Variants in RSU1 observed in about 807,000 individuals in gnomAD.
The protein encoded by RSU1 is rsu-1.
Under a neutral mutation model 31.1 loss-of-function variants are expected in RSU1, and 26 were observed. The ratio of observed to expected loss-of-function variants is 0.84; its 90% CI spans 0.61 to 1.16. The LOEUF (loss-of-function observed/expected upper bound fraction) is 1.16. Among genes scored for constraint, RSU1 ranks in the 50% most tolerant of loss-of-function variants. RSU1 has a pLI of 0.00. For missense variants in RSU1, 320 were observed against 339.1 expected, an observed-to-expected ratio of 0.94 and a Z score of 0.44; for synonymous variants, 164 against 136.3, an observed-to-expected ratio of 1.20 and a Z score of -1.41.
intron 2 of RSU1, among the ~76,000 whole-genome samples, chr10:16,803,690 A>T (rs1838208096): frequency 6.6e-6 from 1 of 152,228 alleles, no homozygotes; most frequent in African/African-American, 2.4e-5. Context: ...AAATATAATC[A>T]GCTAATCTTT....
chr10:16,649,258 G>C (rs1834635063), intron 8 of RSU1, among the ~76,000 whole-genome samples: 1 of 152,184 alleles, frequency 6.6e-6, no homozygotes. Context: ...TATTCAGCAT[G>C]TATGAAAACG....
chr10:16,679,108 A>T (rs977151957), intron 8 of RSU1, among the ~76,000 whole-genome samples: 2 of 152,218 alleles, frequency 1.3e-5, no homozygotes, highest in Non-Finnish European at 2.9e-5. Flanking sequence ...AACACATTTT[A>T]ATGTTTCCAG....
At chr10:16,799,188 G>A (rs552404485) in intron 2 of RSU1, among the ~76,000 whole-genome samples, 1 of 152,224 alleles carries the variant, frequency 6.6e-6, no homozygotes, top group Admixed American at 6.5e-5. Flanking sequence ...GCAGGGAGCC[G>A]TATTTCCAAA....
At chr10:16,745,062 T>A (rs538553695) in intron 7 of RSU1, among the ~76,000 whole-genome samples, 3 of 152,212 alleles carry the variant, frequency 2.0e-5, no homozygotes, top group Non-Finnish European at 4.4e-5. Flanking sequence ...GGTAACTAAC[T>A]GCCTCTTCCC....
chr10:16,764,013 A>G (rs1326634140), intron 4 of RSU1, among the ~76,000 whole-genome samples: 1 of 152,148 alleles, frequency 6.6e-6, no homozygotes, highest in Non-Finnish European at 1.5e-5. Context: ...GGTGCTTTGT[A>G]AACTATTCCA....
intron 8 of RSU1, among the ~76,000 whole-genome samples, chr10:16,607,361 A>G (rs1434126953): frequency 1.3e-5 from 2 of 152,184 alleles, no homozygotes; most frequent in Non-Finnish European, 2.9e-5. Context: ...TAGCAGTGTG[A>G]GAATGGACTA....
chr10:16,669,169 G>C (rs1835057098), intron 8 of RSU1, among the ~76,000 whole-genome samples: 1 of 151,946 alleles, frequency 6.6e-6, no homozygotes, highest in South Asian at 2.1e-4. Flanking sequence ...CTAGACCAGA[G>C]CTGTGCACAG....
intron 8 of RSU1, among the ~76,000 whole-genome samples, chr10:16,637,889 G>A (rs1016681200): frequency 6.6e-6 from 1 of 151,312 alleles, no homozygotes; most frequent in African/African-American, 2.4e-5. Flanking sequence ...GGAACACAAA[G>A]AACAGTACCC....
chr10:16,810,550 AGCCGCCCAACTTCT>A (rs1838386564), intron 2 of RSU1, among the ~76,000 whole-genome samples: 1 of 152,140 alleles, frequency 6.6e-6, no homozygotes, highest in South Asian at 2.1e-4. Context: ...CACTGGGCCC[AGCCGCCCAACTTCT>A]CCTGGGAATT....
At chr10:16,600,742 T>C (rs1489515852) in intron 8 of RSU1, among the ~76,000 whole-genome samples, 1 of 152,072 alleles carries the variant, frequency 6.6e-6, no homozygotes, top group Non-Finnish European at 1.5e-5. Flanking sequence ...TAAAATCTTA[T>C]TGTAGAGATG....
chr10:16,709,467 T>TAC (rs1271258703), intron 7 of RSU1, among the ~76,000 whole-genome samples: 8 of 152,324 alleles, frequency 5.3e-5, no homozygotes, highest in Admixed American at 1.3e-4. Flanking sequence ...CGTGTGCATG[T>TAC]GTCTTTATAG....
intron 2 of RSU1, among the ~76,000 whole-genome samples, chr10:16,806,802 G>A (rs1371839275): frequency 6.6e-6 from 1 of 152,162 alleles, no homozygotes; most frequent in South Asian, 2.1e-4. Context: ...CGCCCAGGCT[G>A]GAGTACAATG....
intron 7 of RSU1, chr10:16,748,337 A>G (rs1836900937): frequency 6.6e-6 from 1 of 151,838 alleles, no homozygotes; most frequent in African/African-American, 2.4e-5. Flanking sequence ...GGCCCCTTCC[A>G]TGAGTGACTC....
At chr10:16,750,784 A>C (rs568177250) in intron 7 of RSU1, among the ~76,000 whole-genome samples, 2 of 152,100 alleles carry the variant, frequency 1.3e-5, no homozygotes, top group South Asian at 4.1e-4. Flanking sequence ...GGAGGGAGCA[A>C]GTTTTTGAGT....
chr10:16,719,616 A>G (rs1013595710), intron 7 of RSU1, among the ~76,000 whole-genome samples: 5 of 152,114 alleles, frequency 3.3e-5, no homozygotes, highest in African/African-American at 9.7e-5. Flanking sequence ...ATATTTTGCA[A>G]TTATCTTGTT....
intron 7 of RSU1, among the ~76,000 whole-genome samples, chr10:16,728,712 ATATAATTGCAGTGGTGCT>A (rs1564334953): frequency 6.6e-6 from 1 of 152,192 alleles, no homozygotes; most frequent in Admixed American, 6.5e-5. Context: ...GGTGGGCCTG[ATATAATTGCAGTGGTGCT>A]TATAAGAGGG....
chr10:16,732,840 A>G (rs1836542318), intron 7 of RSU1, among the ~76,000 whole-genome samples: 2 of 152,170 alleles, frequency 1.3e-5, no homozygotes, highest in East Asian at 1.9e-4. Flanking sequence ...AAGATATTAG[A>G]TAAGAATTTA....
intron 3 of RSU1, among the ~76,000 whole-genome samples, chr10:16,766,960 G>A (rs1837326021): frequency 6.6e-6 from 1 of 151,572 alleles, no homozygotes; most frequent in Non-Finnish European, 1.5e-5. Flanking sequence ...AGCAGAGGTT[G>A]CAGTGAGCCG....
intron 8 of RSU1, among the ~76,000 whole-genome samples, chr10:16,664,042 C>G (rs1366744434): frequency 6.6e-6 from 1 of 152,066 alleles, no homozygotes; most frequent in Non-Finnish European, 1.5e-5. Flanking sequence ...AAATATGACT[C>G]CACGAACACT....
Sources: allele counts gnomAD v4.1 joint callset (sites outside exome capture counted in the v4.1 genomes callset), GRCh38; gene constraint gnomAD v4.1.1; transcripts MANE v1.5; gene names NCBI Gene and HGNC (gene_info 2026-07-23, HGNC 2026-07-21).